The following SOX5 variants were observed in gnomAD, a reference collection of about 807,000 sequenced individuals.
SOX5 encodes SRY-box transcription factor 5.
In SOX5, 9 loss-of-function variants were observed where a neutral mutation model predicts 92.0. That is an observed-to-expected ratio of 0.10 (90% CI 0.06 to 0.17). The LOEUF is 0.17. Ranked by LOEUF, SOX5 falls within the 10% of genes least tolerant of loss-of-function variation. The pLI is 1.00. For synonymous variants in SOX5, 344 were observed against 336.3 expected (o/e 1.02, Z -0.25); for missense variants, 642 against 944.5 (o/e 0.68, Z 4.20).
chr12:23,823,539 C>T (rs1163040346), intron 3 of SOX5, among the ~76,000 whole-genome samples: 2 of 152,120 alleles, frequency 1.3e-5, no homozygotes, highest in East Asian at 1.9e-4. Flanking sequence ...TCTCTGGCTG[C>T]CCTTACCATT....
chr12:23,921,310 T>A (rs182679866), intron 1 of SOX5, among the ~76,000 whole-genome samples: 5 of 152,062 alleles, frequency 3.3e-5, no homozygotes, highest in Admixed American at 1.3e-4. Context: ...TAGCACAATG[T>A]ACGCCCTATG....
chr12:24,196,094 A>G (rs1199080106), intron 4 of SOX5, among the ~76,000 whole-genome samples: 1 of 152,184 alleles, frequency 6.6e-6, no homozygotes, highest in Non-Finnish European at 1.5e-5. Context: ...CATGTTGGAC[A>G]GGCTGGTCTT....
chr12:24,085,431 G>C (rs959566851), intron 4 of SOX5, among the ~76,000 whole-genome samples: 2 of 152,042 alleles, frequency 1.3e-5, no homozygotes, highest in African/African-American at 4.8e-5. Context: ...AGCTAGTCAG[G>C]GGAAACATCA....
In SOX5 at chr12:24,195,139, G is replaced by GGA. The variant is rs1555169306; in HGVS notation, c.-2+18203_-2+18204insTC. On this transcript the variant is annotated intron_variant, in intron 4 of 4. Coordinates refer to the SOX5 transcript ENST00000446891. Reference sequence around the variant, plus strand: ...TTGCAATCTAAAATAAATTGTTTGGGAAAAAAAAAAAACACGAGAAAAATA... The same window carrying GGA: ...TTGCAATCTAAAATAAATTGTTTGGGGAAAAAAAAAAAAACACGAGAAAAATA... Among the ~76,000 whole-genome samples the GGA allele has an allele frequency of 1.6e-3, 226 of 142,948 alleles. No homozygotes were observed. In the South Asian group the frequency reaches 0.02, roughly 12 times the overall value. The allele number at this position is 142,948 out of a possible 152,430, so 93.8% of individuals were successfully genotyped here.
chr12:23,555,910 T>C (rs1945083056), intron 11 of SOX5, among the ~76,000 whole-genome samples: 1 of 152,164 alleles, frequency 6.6e-6, no homozygotes, highest in South Asian at 2.1e-4. Context: ...CAAAAGGCTA[T>C]AGACAGCCTA....
At chr12:24,370,353 T>C (rs1295189216) in intron 1 of SOX5, among the ~76,000 whole-genome samples, 1 of 151,480 alleles carries the variant, frequency 6.6e-6, no homozygotes, top group South Asian at 2.1e-4. Flanking sequence ...GGCAGGCCCC[T>C]GTAGTCCCAG....
chr12:24,304,277 T>A (rs1948323911), intron 2 of SOX5, among the ~76,000 whole-genome samples: 1 of 152,106 alleles, frequency 6.6e-6, no homozygotes, highest in Non-Finnish European at 1.5e-5. Flanking sequence ...TGGAAAACTG[T>A]CTTGGTTTTA....
At chr12:23,846,901 T>A (rs1333317875) in intron 2 of SOX5, among the ~76,000 whole-genome samples, 2 of 152,166 alleles carry the variant, frequency 1.3e-5, no homozygotes, top group Non-Finnish European at 2.9e-5. Flanking sequence ...ATTTGCCCTA[T>A]AAAATAAGGT....
At chr12:23,716,566 TA>T (rs947375602) in intron 6 of SOX5, among the ~76,000 whole-genome samples, 2 of 152,210 alleles carry the variant, frequency 1.3e-5, no homozygotes, top group African/African-American at 4.8e-5. Context: ...AAGAAATTTT[TA>T]AAAAAGCCTT....
intron 4 of SOX5, among the ~76,000 whole-genome samples, chr12:24,123,858 C>G (rs1566331): frequency 0.74 from 111,840 of 152,058 alleles, 41,355 homozygotes; most frequent in Admixed American, 0.79. Flanking sequence ...CTGTATTGAG[C>G]ACCAGGGTTG....
chr12:23,733,931 T>C (rs528547376), intron 6 of SOX5, among the ~76,000 whole-genome samples: 2 of 152,292 alleles, frequency 1.3e-5, no homozygotes, highest in East Asian at 3.9e-4. Context: ...CCTGACACTA[T>C]GCTAAGGCTC....
At chr12:23,569,190 T>A (rs1323009219) in intron 10 of SOX5, among the ~76,000 whole-genome samples, 1 of 152,116 alleles carries the variant, frequency 6.6e-6, no homozygotes, top group African/African-American at 2.4e-5. Flanking sequence ...AGACTCTGTC[T>A]AAAGACAAAA....
intron 1 of SOX5, among the ~76,000 whole-genome samples, chr12:24,514,864 G>C (rs1949639820): frequency 1.3e-5 from 2 of 152,282 alleles, no homozygotes; most frequent in Non-Finnish European, 2.9e-5. Flanking sequence ...AGAACACGTG[G>C]TGGGGAACAA....
chr12:23,536,750 T>C (rs1052436218), intron 13 of SOX5, 81 bp from the exon 14 acceptor site: 196 of 1,131,550 alleles, frequency 1.7e-4, no homozygotes, highest in Middle Eastern at 6.3e-4. Flanking sequence ...AACAAGAAAA[T>C]CTAAAGTTGA....
intron 2 of SOX5, among the ~76,000 whole-genome samples, chr12:24,329,196 T>C (rs1232240829): frequency 2.0e-5 from 3 of 152,210 alleles, no homozygotes; most frequent in Non-Finnish European, 4.4e-5. Context: ...TAGCATTATA[T>C]ATTAGTCTGT....
At chr12:24,418,352 G>T (rs1965377385) in intron 1 of SOX5, among the ~76,000 whole-genome samples, 1 of 152,198 alleles carries the variant, frequency 6.6e-6, no homozygotes, top group African/African-American at 2.4e-5. Context: ...GCCAGTGATT[G>T]GTTGTAAATC....
upstream of SOX5, among the ~76,000 whole-genome samples, chr12:23,952,719 T>C (rs1945812360): frequency 6.6e-6 from 1 of 152,122 alleles, no homozygotes; most frequent in Admixed American, 6.5e-5. Flanking sequence ...AATGATAATT[T>C]GAACTAATGG....
At chr12:24,105,025 A>G (rs1946518621) in intron 4 of SOX5, among the ~76,000 whole-genome samples, 1 of 152,192 alleles carries the variant, frequency 6.6e-6, no homozygotes, top group Non-Finnish European at 1.5e-5. Context: ...AAAAAGAGAC[A>G]CAGTATATCA....
At chr12:24,376,690 CTTTTTTTTTTTTTTTTTTTT>C (rs1164391418) in intron 1 of SOX5, among the ~76,000 whole-genome samples, 17,124 of 70,422 alleles carry the variant, frequency 0.24, 1,637 homozygotes, top group Middle Eastern at 0.34. Context: ...GGAGAGATAC[CTTTTTTTTTTTTTTTTTTTT>C]TTTTTTTTTT....
Sources: gnomAD v4.1 joint callset for allele counts (sites outside exome capture counted in the v4.1 genomes callset) on GRCh38, gnomAD v4.1.1 for gene constraint, MANE v1.5 for transcripts, NCBI Gene and HGNC (gene_info 2026-07-23, HGNC 2026-07-21) for gene names.